The following MAP3K4 variants were observed in gnomAD, a reference collection of about 807,000 sequenced individuals.
The protein encoded by MAP3K4 is mitogen-activated protein kinase kinase kinase 4.
MAP3K4 carries 67 observed loss-of-function variants against 185.6 expected under a neutral mutation model. The observed-to-expected ratio is 0.36, with a 90% CI of 0.30 to 0.44. MAP3K4 has a LOEUF of 0.44. Ranked by LOEUF, MAP3K4 falls within the 20% of genes least tolerant of loss-of-function variation. MAP3K4 has a pLI of 1.00. For missense variants in MAP3K4, 1,551 were observed against 1,995.1 expected (o/e 0.78, Z 4.24); for synonymous variants, 702 against 710.4 (o/e 0.99, Z 0.19).
intron 1 of MAP3K4, among the ~76,000 whole-genome samples, chr6:160,998,379 T>TA (rs1781104805): frequency 6.6e-6 from 1 of 152,230 alleles, no homozygotes; most frequent in Non-Finnish European, 1.5e-5. Context: ...ATGAACGTGT[T>TA]ACACATTTTA....
In MAP3K4 at chr6:161,091,861, C is replaced by T; in HGVS notation, c.3136-149C>T. ...ACTGCATTTTGAAACACTGTACTTT[C>T]CATAATTCTTCATACTATTCAAAAT... is the stretch of plus-strand genomic sequence containing the variant. On this transcript the variant is annotated intron_variant, in intron 12 of 26. Coordinates refer to ENST00000392142, the MANE Select transcript of MAP3K4 (RefSeq NM_005922.4). This position sits in a 1 kb window ranked among gnomAD's most constrained non-coding sequence, Gnocchi z 5.5. 1 of 688,210 alleles carries T rather than the reference C, an allele frequency of 1.5e-6. No individual in the cohort carries two copies. The highest frequency in any genetic ancestry group is 2.4e-6 in the Non-Finnish European group (1 of 420,638). 42.6% of individuals were successfully genotyped at this position (688,210 alleles called of 1,614,324 possible).
rs1400041929 is a variant in MAP3K4 at position 161,049,923 on chromosome 6, G to T, written c.1651G>T (p.Asp551Tyr). 1 of 1,614,046 alleles carries T rather than the reference G, an allele frequency of 6.2e-7. No individual in the cohort carries two copies. The highest frequency in any genetic ancestry group is 1.3e-5 in the African/African-American group (1 of 75,046). Residue 551 changes from aspartate (D) to tyrosine (Y), a missense_variant, in exon 3 of 27, where the codon GAT (aspartate) becomes TAT (tyrosine). Transcript: ENST00000392142. This position sits in a 1 kb window ranked among gnomAD's most constrained non-coding sequence, Gnocchi z 8.4. ...AATTTTAAGACTTCACAAGCTAATG[G>T]ATGGTTCCTTGCAAAGGGCACGTAT... is the stretch of plus-strand genomic sequence containing the variant. ...KLILRLHKLM[D>Y]GSLQRARIAL...
chr6:161,004,884 A>G (rs1209417434), intron 1 of MAP3K4, among the ~76,000 whole-genome samples: 1 of 152,230 alleles, frequency 6.6e-6, no homozygotes, highest in African/African-American at 2.4e-5. Flanking sequence ...AGTAAAGAAT[A>G]ACTTTTACAG....
intron 2 of MAP3K4, among the ~76,000 whole-genome samples, chr6:161,040,624 G>A (rs1386112668): frequency 1.3e-5 from 2 of 152,198 alleles, no homozygotes; most frequent in Non-Finnish European, 2.9e-5. Flanking sequence ...TAACAAAACT[G>A]CTCATCCTGA....
chr6:161,100,994 A>G lies in MAP3K4; in HGVS notation c.3675-898A>G, dbSNP rs531016061. 9.8e-5 allele frequency: 15 copies of G among 152,344 alleles called. No individual in the cohort carries two copies. Among genetic ancestry groups the G allele is most frequent in the African/African-American group, 3.6e-4 (15 of 41,572 alleles). 9.4% of individuals were successfully genotyped at this position (152,344 alleles called of 1,614,324 possible). A position where few individuals can be genotyped will look rare whatever the true frequency, so the allele number is the denominator to read the frequency against. ...TAATTTGTAAATGTCTGTGCAATAG[A>G]TCATGTTGCCTTCAACCTATCAATG... On this transcript the variant is annotated intron_variant, in intron 17 of 26. Coordinates refer to ENST00000392142, the MANE Select transcript of MAP3K4 (RefSeq NM_005922.4). This position sits in a 1 kb window ranked among gnomAD's most constrained non-coding sequence, Gnocchi z 5.8.
Position 161,070,632 on chromosome 6 carries a change from T to C in MAP3K4, c.1732T>C (p.Trp578Arg), listed in dbSNP as rs1213340672. ...VEFSEFPDPM[W>R]GSDYVQLSRT... ...GTTTTCTGAATTTCCAGATCCCATG[T>C]GGGGTTCAGATTATGTGCAGTTGTC... The change falls in exon 4 of 27, where the codon TGG becomes CGG. Residue 578 changes from tryptophan to arginine, a missense_variant. Physicochemically the swap from Trp to Arg is moderately radical, Grantham distance 101. Transcript: ENST00000392142. The surrounding 1 kb of genome is among the most constrained non-coding windows in gnomAD (Gnocchi z 4.5). The C allele has an allele frequency of 3.7e-6, 6 of 1,613,876 alleles. No homozygotes were observed. Among genetic ancestry groups the C allele is most frequent in the Non-Finnish European group, 5.1e-6 (6 of 1,179,984 alleles).
intron 3 of MAP3K4, among the ~76,000 whole-genome samples, chr6:161,055,052 C>T (rs891853961): frequency 6.6e-6 from 1 of 152,144 alleles, no homozygotes; most frequent in East Asian, 1.9e-4. Flanking sequence ...TTCTTCTAGT[C>T]TGAGTATTGT....
At position 161,034,162 on chromosome 6, in the gene MAP3K4, C is replaced by G; in HGVS notation, c.153-97C>G. On this transcript the variant is annotated intron_variant, in intron 1 of 26. Coordinates refer to ENST00000392142, the MANE Select transcript of MAP3K4 (RefSeq NM_005922.4). The surrounding 1 kb of genome is among the most constrained non-coding windows in gnomAD (Gnocchi z 4.4). Reference sequence around the variant, plus strand: ...ACAGTGCTGAAGAGATTTTTCTGTACAAAAGTTTTACAAAGAATTATTTAA... The same window carrying G: ...ACAGTGCTGAAGAGATTTTTCTGTAGAAAAGTTTTACAAAGAATTATTTAA... 2 of 1,002,798 alleles carry G rather than the reference C, an allele frequency of 2.0e-6. No individual in the cohort carries two copies. Among genetic ancestry groups the G allele is most frequent in the South Asian group, 3.8e-5 (2 of 52,706 alleles). The allele number at this position is 1,002,798 out of a possible 1,614,324, so 62.1% of individuals were successfully genotyped here.
Position 161,071,500 on chromosome 6 carries a change from T to G in MAP3K4, c.1950+650T>G, listed in dbSNP as rs1039246101. ...AGAAGAAAGGTTGGTATGTTTTTTG[T>G]AGACTGTACGTGTCTATCCCATAGG... On this transcript the variant is annotated intron_variant, in intron 4 of 26. Coordinates refer to ENST00000392142, the MANE Select transcript of MAP3K4 (RefSeq NM_005922.4). This position sits in a 1 kb window ranked among gnomAD's most constrained non-coding sequence, Gnocchi z 4.6. Among the ~76,000 whole-genome samples, 3 of 152,212 alleles carry G rather than the reference T, an allele frequency of 2.0e-5. No homozygotes were observed. Among genetic ancestry groups the G allele is most frequent in the Non-Finnish European group, 4.4e-5 (3 of 68,046 alleles).
In MAP3K4 at chr6:161,109,903, G is replaced by A. The variant is rs770796845; in HGVS notation, c.4385G>A (p.Arg1462His). 4 of 1,613,944 alleles carry A rather than the reference G, an allele frequency of 2.5e-6. No individual in the cohort carries two copies. Among genetic ancestry groups the A allele is most frequent in the South Asian group, 1.1e-5 (1 of 91,052 alleles). The change falls in exon 23 of 27, where the codon CGT becomes CAT. Residue 1462 changes from arginine to histidine, a missense_variant. Coordinates refer to ENST00000392142, the MANE Select transcript of MAP3K4 (RefSeq NM_005922.4). The surrounding 1 kb of genome is among the most constrained non-coding windows in gnomAD (Gnocchi z 5.7). Reference sequence around the variant, plus strand: ...CTCCATGAGCATGGCATAGTCCACCGTGACATTAAAGGTAATCCCACACCC... The same window carrying A: ...CTCCATGAGCATGGCATAGTCCACCATGACATTAAAGGTAATCCCACACCC... ...NVLHEHGIVH[R>H]DIKGANIFLT...
rs746374807 is a variant in MAP3K4 at position 161,101,949 on chromosome 6, T to A, written c.3732T>A (p.Phe1244Leu). 8 of 1,614,212 alleles carry A rather than the reference T, an allele frequency of 5.0e-6. No individual in the cohort carries two copies. In the South Asian group the frequency reaches 8.8e-5, roughly 18 times the overall value. ...CTTCCATAGCTGCTGAATTGCAGTT[T>A]AGGTCCCTGAGTCGTCACTCAAGCC... ...RLASIAAELQ[F>L]RSLSRHSSPT... The change falls in exon 18 of 27, where the codon TTT becomes TTA. Residue 1244 changes from phenylalanine to leucine, a missense_variant. Phe to Leu is a conservative substitution (Grantham distance 22). Transcript: ENST00000392142. The surrounding 1 kb of genome is among the most constrained non-coding windows in gnomAD (Gnocchi z 5.1).
chr6:161,031,835 T>C (rs1244877763), intron 1 of MAP3K4, among the ~76,000 whole-genome samples: 1 of 152,250 alleles, frequency 6.6e-6, no homozygotes, highest in Non-Finnish European at 1.5e-5. Flanking sequence ...TAATGGATGC[T>C]TCACCCACCA....
chr6:161,067,346 C>T lies in MAP3K4; in HGVS notation c.1708-3262C>T, dbSNP rs1361614787. 2 of 377,276 alleles carry T rather than the reference C, an allele frequency of 5.3e-6. No individual in the cohort carries two copies. The highest frequency in any genetic ancestry group is 1.1e-5 in the Non-Finnish European group (2 of 186,622). The allele number at this position is 377,276 out of a possible 1,614,324, so 23.4% of individuals were successfully genotyped here. A position where few individuals can be genotyped will look rare whatever the true frequency, so the allele number is the denominator to read the frequency against. Reference sequence around the variant, plus strand: ...TTTTTTTGAATTTCTGATTAGCTTCCTTATGCATCGATCTCAGTGAGCAGA... The same window carrying T: ...TTTTTTTGAATTTCTGATTAGCTTCTTTATGCATCGATCTCAGTGAGCAGA... On this transcript the variant is annotated intron_variant, in intron 3 of 26. Transcript: ENST00000392142. This position sits in a 1 kb window ranked among gnomAD's most constrained non-coding sequence, Gnocchi z 6.3.
chr6:161,094,031 T>C (rs1562535676), intron 15 of MAP3K4, among the ~76,000 whole-genome samples, 180 bp downstream of exon 15: 2 of 152,212 alleles, frequency 1.3e-5, no homozygotes. Flanking sequence ...CCTTTCTAAA[T>C]CTGACAGGAA....
rs147710859 is a variant in MAP3K4 at position 161,070,230 on chromosome 6, GT to G, written c.1708-371del. On this transcript the variant is annotated intron_variant, in intron 3 of 26. Transcript: ENST00000392142. This position sits in a 1 kb window ranked among gnomAD's most constrained non-coding sequence, Gnocchi z 4.5. Reference sequence around the variant, plus strand: ...TTTCTCTAATTTCAGTAATTCTCTGGTTTTTTTCCCAGTCTAGAGATAGTTG... The same window carrying G: ...TTTCTCTAATTTCAGTAATTCTCTGGTTTTTTCCCAGTCTAGAGATAGTTG... 6.6e-6 allele frequency among the ~76,000 whole-genome samples: 1 copy of G among 151,990 alleles called. No individual in the cohort carries two copies. The highest frequency in any genetic ancestry group is 1.5e-5 in the Non-Finnish European group (1 of 67,990).
chr6:161,020,927 A>G (rs1268841441), intron 1 of MAP3K4, among the ~76,000 whole-genome samples: 1 of 152,226 alleles, frequency 6.6e-6, no homozygotes, highest in East Asian at 1.9e-4. Flanking sequence ...TAAATTCCAC[A>G]TTGACCTTAT....
rs2114907667 is a variant in MAP3K4 at position 161,106,387 on chromosome 6, T to C, written c.3857-127T>C. 4.8e-6 allele frequency: 3 copies of C among 623,104 alleles called. No homozygotes were observed. Among genetic ancestry groups the C allele is most frequent in the East Asian group, 5.5e-5 (2 of 36,178 alleles). 38.6% of individuals were successfully genotyped at this position (623,104 alleles called of 1,614,324 possible). A position where few individuals can be genotyped will look rare whatever the true frequency, so the allele number is the denominator to read the frequency against. On this transcript the variant is annotated intron_variant, in intron 19 of 26. Coordinates refer to ENST00000392142, the MANE Select transcript of MAP3K4 (RefSeq NM_005922.4). The surrounding 1 kb of genome is among the most constrained non-coding windows in gnomAD (Gnocchi z 4.9). Reference sequence around the variant, plus strand: ...AACTTTAATTCACCTGCTGTTTATCTGAATAGATAATAAGCTTTGCTGTAA... The same window carrying C: ...AACTTTAATTCACCTGCTGTTTATCCGAATAGATAATAAGCTTTGCTGTAA...
At chr6:161,092,177 C>T in intron 13 of MAP3K4, 34 bp downstream of exon 13, 1 of 1,611,562 alleles carries the variant, frequency 6.2e-7, no homozygotes, top group South Asian at 1.1e-5. Context: ...TGAAATGTGT[C>T]ATGTGGGCTT....
At chr6:161,104,942 G>C (rs1305134335) in intron 19 of MAP3K4, among the ~76,000 whole-genome samples, 1 of 152,142 alleles carries the variant, frequency 6.6e-6, no homozygotes, top group African/African-American at 2.4e-5. Context: ...TCTCTTTTCA[G>C]ATTAACCTTA....
Sources: allele counts gnomAD v4.1 joint callset (sites outside exome capture counted in the v4.1 genomes callset), GRCh38; gene constraint gnomAD v4.1.1; non-coding constraint Gnocchi (gnomAD v3.1); transcripts MANE v1.5; gene names NCBI Gene and HGNC (gene_info 2026-07-23, HGNC 2026-07-21).